MAK: variants seen among roughly 807,000 people sequenced by gnomAD.
The protein encoded by MAK is serine/threonine-protein kinase MAK.
In MAK, 65 loss-of-function variants were observed where a neutral mutation model predicts 82.6. The ratio of observed to expected loss-of-function variants is 0.79; its 90% CI spans 0.64 to 0.97. MAK has a LOEUF of 0.97. MAK is among the 50% of genes least tolerant of loss of function. MAK has a pLI of 0.00. For missense variants in MAK, 703 were observed against 780.2 expected (o/e 0.90, Z 1.18); for synonymous variants, 250 against 274.2 (o/e 0.91, Z 0.87).
At chr6:10,772,715 A>G (rs1369783669) in intron 13 of MAK, among the ~76,000 whole-genome samples, 1 of 152,170 alleles carries the variant, frequency 6.6e-6, no homozygotes, top group African/African-American at 2.4e-5. Flanking sequence ...AATTCCAGGA[A>G]TATAGATCGC....
At chr6:10,806,391 C>T (rs1380262371) in intron 6 of MAK, among the ~76,000 whole-genome samples, 5 of 151,770 alleles carry the variant, frequency 3.3e-5, no homozygotes, top group South Asian at 2.1e-4. Context: ...TGCAGTGGCG[C>T]GATCTTCGCT....
intron 14 of MAK, among the ~76,000 whole-genome samples, chr6:10,765,483 G>A (rs1772339059): frequency 7.5e-6 from 1 of 132,962 alleles, no homozygotes; most frequent in Admixed American, 8.0e-5. Context: ...TAATGAGGCA[G>A]AGTTTCGCCC....
intron 10 of MAK, chr6:10,784,795 C>T: frequency 1.5e-6 from 1 of 669,060 alleles, no homozygotes; most frequent in Non-Finnish European, 2.7e-6. Flanking sequence ...GTGACAGGAA[C>T]CTTTATAACT....
intron 2 of MAK, among the ~76,000 whole-genome samples, chr6:10,825,436 C>A (rs1241078631): frequency 1.8e-4 from 28 of 151,678 alleles, no homozygotes; most frequent in Admixed American, 1.8e-3. Context: ...TATTCCAGGG[C>A]CCATCCTTTA....
At chr6:10,810,383 G>A (rs116716295) in intron 5 of MAK, among the ~76,000 whole-genome samples, 2,064 of 121,242 alleles carry the variant, frequency 0.017, 17 homozygotes, top group Middle Eastern at 0.096. Context: ...ACGGAGTCTT[G>A]CTCTGGAGTG....
intron 5 of MAK, among the ~76,000 whole-genome samples, chr6:10,811,958 C>T (rs145075113): frequency 1.7e-4 from 26 of 152,154 alleles, no homozygotes; most frequent in African/African-American, 2.4e-4. Context: ...CCAGCACTTC[C>T]GGAGGCTGAG....
At position 10,776,274 on chromosome 6, in the gene MAK, C is replaced by T. The variant is rs756796945; in HGVS notation, c.1466-815G>A. On this transcript the variant is annotated intron_variant, in intron 11 of 14. Transcript: ENST00000354489. The surrounding 1 kb of genome is among the most constrained non-coding windows in gnomAD (Gnocchi z 4.3). ...AAATGGAAACAGTTTATCCCCTGTG[C>T]GCCAGAAAGAAGTCATTGCAAATGT... Among the ~76,000 whole-genome samples, 82 of 152,124 alleles carry T rather than the reference C, an allele frequency of 5.4e-4. 1 individual carries two copies. The highest frequency in any genetic ancestry group is 4.6e-4 in the Admixed American group (7 of 15,254).
chr6:10,770,325 T>C (rs2127511660), intron 13 of MAK, 95 bp from the exon 14 acceptor site: 18 of 1,405,152 alleles, frequency 1.3e-5, no homozygotes, highest in Middle Eastern at 2.3e-4. Flanking sequence ...CTAAATACTA[T>C]TTTTCAGCAT....
intron 8 of MAK, among the ~76,000 whole-genome samples, chr6:10,799,624 G>GA (rs1240610357): frequency 6.6e-6 from 1 of 152,092 alleles, no homozygotes; most frequent in Non-Finnish European, 1.5e-5. Context: ...TTTTAAAAAA[G>GA]AAAAATTAGA....
intron 2 of MAK, among the ~76,000 whole-genome samples, chr6:10,825,807 T>C (rs1240421517): frequency 6.6e-6 from 1 of 152,130 alleles, no homozygotes; most frequent in Non-Finnish European, 1.5e-5. Context: ...CCCTTGACTG[T>C]ATCCACTTAC....
chr6:10,820,012 T>C (rs1005843535), intron 2 of MAK, among the ~76,000 whole-genome samples: 3 of 151,642 alleles, frequency 2.0e-5, no homozygotes, highest in Non-Finnish European at 4.4e-5. Flanking sequence ...CTTGGGTGGC[T>C]GAGGCAGGAG....
chr6:10,787,910 A>C (rs1228300973), intron 10 of MAK, among the ~76,000 whole-genome samples: 3 of 152,128 alleles, frequency 2.0e-5, no homozygotes, highest in Non-Finnish European at 4.4e-5. Flanking sequence ...ATTCACTGTC[A>C]TACAGTTTTT....
chr6:10,797,964 C>A, intron 8 of MAK: 1 of 1,145,212 alleles, frequency 8.7e-7, no homozygotes, highest in South Asian at 1.8e-5. Flanking sequence ...TACTTCAATG[C>A]CTAGCACACT....
At chr6:10,829,447 T>C (rs1223814456) in intron 2 of MAK, among the ~76,000 whole-genome samples, 1 of 152,192 alleles carries the variant, frequency 6.6e-6, no homozygotes, top group Non-Finnish European at 1.5e-5. Flanking sequence ...ACACCTGTAA[T>C]TCCAGCACTT....
chr6:10,824,501 A>G (rs1439808300), intron 2 of MAK, among the ~76,000 whole-genome samples: 2 of 151,172 alleles, frequency 1.3e-5, no homozygotes, highest in African/African-American at 4.8e-5. Flanking sequence ...AAGATCACAC[A>G]CACGTTCTGA....
At chr6:10,799,759 C>T (rs556976758) in intron 8 of MAK, among the ~76,000 whole-genome samples, 8 of 152,148 alleles carry the variant, frequency 5.3e-5, no homozygotes, top group Admixed American at 2.6e-4. Flanking sequence ...GGTAAAACTC[C>T]GTCTCTGGCC....
chr6:10,812,894 G>A (rs976837744), intron 5 of MAK, among the ~76,000 whole-genome samples: 1 of 150,392 alleles, frequency 6.6e-6, no homozygotes, highest in African/African-American at 2.4e-5. Context: ...CTCTCAAGTA[G>A]CTGGGATTAT....
intron 5 of MAK, among the ~76,000 whole-genome samples, chr6:10,809,950 T>G (rs1163065919): frequency 1.3e-5 from 2 of 151,642 alleles, no homozygotes; most frequent in East Asian, 3.9e-4. Flanking sequence ...ATACCAAAAT[T>G]AGCCGGGCAT....
At chr6:10,798,150 C>G (rs1775718554) in intron 8 of MAK, among the ~76,000 whole-genome samples, 1 of 142,742 alleles carries the variant, frequency 7.0e-6, no homozygotes, top group Non-Finnish European at 1.5e-5. Flanking sequence ...TGGAGTCTCG[C>G]TCTGTCACCC....
Sources: gnomAD v4.1 joint callset for allele counts (sites outside exome capture counted in the v4.1 genomes callset) on GRCh38, gnomAD v4.1.1 for gene constraint, Gnocchi (gnomAD v3.1) non-coding constraint, MANE v1.5 for transcripts, NCBI Gene and HGNC (gene_info 2026-07-23, HGNC 2026-07-21) for gene names.